PTPRN2: variants seen among roughly 807,000 people sequenced by gnomAD.
PTPRN2 encodes the protein protein tyrosine phosphatase receptor type N2.
PTPRN2 carries 74 observed loss-of-function variants against 118.8 expected under a neutral mutation model. The observed-to-expected ratio is 0.62, with a 90% CI of 0.52 to 0.76. PTPRN2 has a LOEUF of 0.76. Ranked by LOEUF, PTPRN2 falls within the 30% of genes least tolerant of loss-of-function variation. The pLI is 0.00. For missense variants in PTPRN2, 1,481 were observed against 1,394.4 expected, an observed-to-expected ratio of 1.06 and a Z score of -0.99; for synonymous variants, 641 against 608.0, an observed-to-expected ratio of 1.05 and a Z score of -0.80.
At chr7:158,490,776 C>A (rs920062141) in intron 1 of PTPRN2, among the ~76,000 whole-genome samples, 4 of 152,244 alleles carry the variant, frequency 2.6e-5, no homozygotes, top group African/African-American at 9.6e-5. Context: ...CGCTAAGATC[C>A]CTGTGGAAGC....
chr7:157,978,466 CTTTTGAAA>C (rs948639519), intron 11 of PTPRN2, among the ~76,000 whole-genome samples: 6 of 152,004 alleles, frequency 3.9e-5, no homozygotes, highest in African/African-American at 1.4e-4. Context: ...GTCTTTTACT[CTTTTGAAA>C]GCTTTTGAGC....
intron 12 of PTPRN2, among the ~76,000 whole-genome samples, chr7:157,694,423 C>A (rs931766393): frequency 2.6e-5 from 4 of 152,222 alleles, no homozygotes; most frequent in African/African-American, 9.6e-5. Context: ...CCTCCCACCA[C>A]CCCTCCTCTA....
intron 11 of PTPRN2, among the ~76,000 whole-genome samples, chr7:157,994,493 G>A (rs1046004025): frequency 1.4e-5 from 2 of 142,194 alleles, no homozygotes; most frequent in East Asian, 2.2e-4. Context: ...TTGGCCCACA[G>A]CTCCTTGTTC....
At chr7:158,090,636 G>A (rs1030529178) in intron 10 of PTPRN2, among the ~76,000 whole-genome samples, 1 of 152,158 alleles carries the variant, frequency 6.6e-6, no homozygotes, top group Non-Finnish European at 1.5e-5. Flanking sequence ...TTTTAACACT[G>A]ATTTTATTGC....
At chr7:157,891,194 T>C (rs1796778953) in intron 12 of PTPRN2, among the ~76,000 whole-genome samples, 1 of 152,202 alleles carries the variant, frequency 6.6e-6, no homozygotes, top group East Asian at 1.9e-4. Flanking sequence ...GTTCCTGCTA[T>C]TGATTTGGCC....
intron 12 of PTPRN2, among the ~76,000 whole-genome samples, chr7:157,730,368 G>A (rs533478054): frequency 2.0e-5 from 3 of 152,328 alleles, no homozygotes; most frequent in African/African-American, 7.2e-5. Flanking sequence ...AGAAAAACGA[G>A]GATGAGGAGC....
chr7:158,356,631 G>GCAGGCACCACCATC (rs546672844), intron 2 of PTPRN2, among the ~76,000 whole-genome samples: 47 of 152,136 alleles, frequency 3.1e-4, no homozygotes, highest in Non-Finnish European at 6.3e-4. Context: ...CTGATGCTGA[G>GCAGGCACCACCATC]CAGGCACCAC....
chr7:157,666,844 C>T (rs1796159683), intron 13 of PTPRN2, among the ~76,000 whole-genome samples: 1 of 152,058 alleles, frequency 6.6e-6, no homozygotes, highest in South Asian at 2.1e-4. Flanking sequence ...CACAGCCTGA[C>T]TTGCACACTT....
intron 12 of PTPRN2, among the ~76,000 whole-genome samples, chr7:157,891,661 C>T (rs985650124): frequency 1.6e-4 from 25 of 152,142 alleles, no homozygotes; most frequent in African/African-American, 5.8e-4. Flanking sequence ...CTTTTGGGAT[C>T]CACATATTCT....
chr7:158,530,815 G>C (rs1211876774), intron 1 of PTPRN2, among the ~76,000 whole-genome samples: 15 of 152,164 alleles, frequency 9.9e-5, no homozygotes, highest in Non-Finnish European at 2.2e-4. Context: ...TGCTCCTGAG[G>C]GGCGAGGCAA....
At chr7:158,498,762 CT>C (rs1822139566) in intron 1 of PTPRN2, among the ~76,000 whole-genome samples, 1 of 152,174 alleles carries the variant, frequency 6.6e-6, no homozygotes. Flanking sequence ...GGTAGCCAGG[CT>C]ATGCCGGGGA....
intron 2 of PTPRN2, among the ~76,000 whole-genome samples, chr7:158,353,832 GC>G (rs1808187175): frequency 6.6e-6 from 1 of 152,210 alleles, no homozygotes; most frequent in African/African-American, 2.4e-5. Context: ...GCTCTTGGGT[GC>G]CCTGGCAGGA....
chr7:158,328,797 C>T (rs985157143), intron 2 of PTPRN2, among the ~76,000 whole-genome samples: 55 of 147,320 alleles, frequency 3.7e-4, no homozygotes, highest in Admixed American at 1.1e-3. Flanking sequence ...CTCCATTCCC[C>T]CCCCCCCGCC....
chr7:158,123,243 T>A (rs1394059639), intron 9 of PTPRN2, among the ~76,000 whole-genome samples: 2 of 152,168 alleles, frequency 1.3e-5, no homozygotes, highest in South Asian at 2.1e-4. Context: ...TATAAAGTAG[T>A]TAAAATGTTT....
In PTPRN2 at chr7:158,522,423, G is replaced by GAGGTCCACGTCACAATGGT. The variant is rs1563390309; in HGVS notation, c.113-32639_113-32638insACCATTGTGACGTGGACCT. On this transcript the variant is annotated intron_variant, in intron 1 of 22. Transcript: ENST00000389418. Reference sequence around the variant, plus strand: ...TGGACTGTCCAGGTGCTGGCTCAGGGGGAAGGTCCACATCGGAATGGTAGA... The same window carrying GAGGTCCACGTCACAATGGT: ...TGGACTGTCCAGGTGCTGGCTCAGGGAGGTCCACGTCACAATGGTGGAAGGTCCACATCGGAATGGTAGA... Among the ~76,000 whole-genome samples, 4 of 139,138 alleles carry GAGGTCCACGTCACAATGGT rather than the reference G, an allele frequency of 2.9e-5. 1 individual carries two copies. Among genetic ancestry groups the GAGGTCCACGTCACAATGGT allele is most frequent in the Admixed American group, 7.0e-5 (1 of 14,316 alleles). The allele number at this position is 139,138 out of a possible 152,430, so 91.3% of individuals were successfully genotyped here.
intron 10 of PTPRN2, among the ~76,000 whole-genome samples, chr7:158,084,900 T>C (rs62480176): frequency 0.8 from 102,972 of 129,208 alleles, 41,934 homozygotes; most frequent in Middle Eastern, 0.93. Flanking sequence ...ACATCCTCGA[T>C]GCCCATCCAC....
chr7:157,662,567 G>A (rs1795943987), intron 13 of PTPRN2, among the ~76,000 whole-genome samples: 1 of 152,214 alleles, frequency 6.6e-6, no homozygotes, highest in African/African-American at 2.4e-5. Context: ...GTCAAAGAAA[G>A]CTTTAGGCAG....
chr7:157,859,539 C>T (rs868195358), intron 12 of PTPRN2, among the ~76,000 whole-genome samples: 63 of 6,286 alleles, frequency 0.01, no homozygotes, highest in African/African-American at 0.018. Flanking sequence ...AGGGAGAGCC[C>T]CCCAGCCACC....
chr7:157,877,802 G>T (rs537221185), intron 12 of PTPRN2, among the ~76,000 whole-genome samples: 4 of 152,156 alleles, frequency 2.6e-5, no homozygotes, highest in African/African-American at 9.7e-5. Flanking sequence ...GCTCAGAGAC[G>T]TCTTCTTCAG....
Sources: gnomAD v4.1 joint callset for allele counts (sites outside exome capture counted in the v4.1 genomes callset) on GRCh38, gnomAD v4.1.1 for gene constraint, MANE v1.5 for transcripts, NCBI Gene and HGNC (gene_info 2026-07-23, HGNC 2026-07-21) for gene names.